Variants in ZFPM2 observed in about 807,000 individuals in gnomAD.
ZFPM2 encodes zinc finger protein ZFPM2.
In ZFPM2, 20 loss-of-function variants were observed where a neutral mutation model predicts 98.6. The observed-to-expected ratio is 0.20, with a 90% CI of 0.14 to 0.29. The LOEUF (loss-of-function observed/expected upper bound fraction) is 0.29, where lower values mean the gene tolerates loss of function less well. Ranked by LOEUF, ZFPM2 falls within the 10% of genes least tolerant of loss-of-function variation. ZFPM2 has a pLI of 1.00. For synonymous variants in ZFPM2, 518 were observed against 502.7 expected (o/e 1.03, Z -0.41); for missense variants, 1,310 against 1,388.6 (o/e 0.94, Z 0.90).
At chr8:105,550,385 G>T (rs906066780) in intron 3 of ZFPM2, among the ~76,000 whole-genome samples, 4 of 152,128 alleles carry the variant, frequency 2.6e-5, no homozygotes, top group African/African-American at 4.8e-5. Context: ...TTTGAAACAA[G>T]CAGTGTGATA....
chr8:105,491,694 C>T (rs1228210325), intron 3 of ZFPM2, among the ~76,000 whole-genome samples: 1 of 152,112 alleles, frequency 6.6e-6, no homozygotes, highest in Non-Finnish European at 1.5e-5. Flanking sequence ...GGAATTGGGC[C>T]ACTTACATCC....
At chr8:105,469,690 AGTGTGTT>A in intron 3 of ZFPM2, among the ~76,000 whole-genome samples, 1 of 152,198 alleles carries the variant, frequency 6.6e-6, no homozygotes, top group Non-Finnish European at 1.5e-5. Flanking sequence ...TAAATGCTAA[AGTGTGTT>A]GTGAGTTTAC....
At chr8:105,786,353 T>C (rs1233476530) in intron 5 of ZFPM2, among the ~76,000 whole-genome samples, 5 of 152,224 alleles carry the variant, frequency 3.3e-5, no homozygotes, top group African/African-American at 1.2e-4. Context: ...GATATTGTAA[T>C]ATATTTGCAT....
chr8:105,664,210 T>G (rs916385896), intron 5 of ZFPM2, among the ~76,000 whole-genome samples: 1 of 152,240 alleles, frequency 6.6e-6, no homozygotes, highest in African/African-American at 2.4e-5. Context: ...TTGGTTGTTT[T>G]GAAAATAGTG....
chr8:105,630,498 A>C (rs1166134319), intron 4 of ZFPM2, among the ~76,000 whole-genome samples: 1 of 152,176 alleles, frequency 6.6e-6, no homozygotes, highest in East Asian at 1.9e-4. Context: ...TATAGCTTTC[A>C]GCAAGTCTTT....
At chr8:105,595,229 C>T (rs1586487235) in intron 4 of ZFPM2, among the ~76,000 whole-genome samples, 1 of 152,076 alleles carries the variant, frequency 6.6e-6, no homozygotes, top group Non-Finnish European at 1.5e-5. Context: ...GGTTCAGGAC[C>T]TAGGTCCAGG....
intron 5 of ZFPM2, among the ~76,000 whole-genome samples, chr8:105,723,700 G>T (rs868207531): frequency 4.6e-5 from 7 of 151,768 alleles, no homozygotes; most frequent in Admixed American, 1.3e-4. Flanking sequence ...TCGGGGGTTA[G>T]CAGCTTTATA....
At chr8:105,549,389 C>T (rs1490592806) in intron 3 of ZFPM2, among the ~76,000 whole-genome samples, 2 of 152,114 alleles carry the variant, frequency 1.3e-5, no homozygotes, top group African/African-American at 4.8e-5. Context: ...AATTTTGCAT[C>T]AGGTCATTTC....
At chr8:105,708,122 A>G (rs1263749564) in intron 5 of ZFPM2, among the ~76,000 whole-genome samples, 1 of 152,176 alleles carries the variant, frequency 6.6e-6, no homozygotes, top group Non-Finnish European at 1.5e-5. Flanking sequence ...CTAATTAGCC[A>G]CAAGTATGAT....
Position 105,576,848 on chromosome 8 carries a change from A to G in ZFPM2, c.420+15367A>G, listed in dbSNP as rs372380557. 2.8e-4 allele frequency among the ~76,000 whole-genome samples: 42 copies of G among 152,238 alleles called. No homozygotes were observed. In the East Asian group the frequency reaches 3.3e-3, roughly 12 times the overall value. ...AAAGAGTAGGGATGGTCCCTTTTGG[A>G]CATGTCACCCTAACTAAATCTCCAG... On this transcript the variant is annotated intron_variant, in intron 4 of 7. Transcript: ENST00000407775.
chr8:105,496,211 A>G (rs928750964), intron 3 of ZFPM2, among the ~76,000 whole-genome samples: 3 of 152,002 alleles, frequency 2.0e-5, no homozygotes, highest in Non-Finnish European at 4.4e-5. Flanking sequence ...AGTTCTCACT[A>G]TGTTGTCCAG....
intron 5 of ZFPM2, among the ~76,000 whole-genome samples, chr8:105,721,573 A>G (rs2130996255): frequency 6.6e-6 from 1 of 152,126 alleles, no homozygotes; most frequent in South Asian, 2.1e-4. Flanking sequence ...AAAGTATAAA[A>G]TACTGCTTTG....
At chr8:105,383,248 T>G (rs536600513) in intron 1 of ZFPM2, among the ~76,000 whole-genome samples, 1 of 152,112 alleles carries the variant, frequency 6.6e-6, no homozygotes, top group Non-Finnish European at 1.5e-5. Context: ...CCCCAGGATA[T>G]TTCACTAAGT....
At position 105,488,226 on chromosome 8, in the gene ZFPM2, G is replaced by A. The variant is rs180959507; in HGVS notation, c.301+43845G>A. On this transcript the variant is annotated intron_variant, in intron 3 of 7. Coordinates refer to ENST00000407775, the MANE Select transcript of ZFPM2 (RefSeq NM_012082.4). ...AATAACATTGGCTTATATACGAAAG[G>A]TTATCTTTCTAAATGTATATGGAGT... Among the ~76,000 whole-genome samples the A allele has an allele frequency of 6.6e-5, 10 of 152,218 alleles. No homozygotes were observed. In the East Asian group the frequency reaches 1.9e-3, roughly 29 times the overall value.
At chr8:105,641,389 G>T (rs774178268) in intron 5 of ZFPM2, among the ~76,000 whole-genome samples, 1 of 151,970 alleles carries the variant, frequency 6.6e-6, no homozygotes, top group African/African-American at 2.4e-5. Context: ...TTCTGGTTAC[G>T]TTCTATTAAT....
At chr8:105,635,581 A>G (rs1816832293) in intron 5 of ZFPM2, among the ~76,000 whole-genome samples, 1 of 152,156 alleles carries the variant, frequency 6.6e-6, no homozygotes, top group African/African-American at 2.4e-5. Context: ...GGGAGCTTTC[A>G]GCTAAAAGGG....
chr8:105,333,824 T>C (rs1473429989), intron 1 of ZFPM2, among the ~76,000 whole-genome samples: 1 of 151,688 alleles, frequency 6.6e-6, no homozygotes, highest in African/African-American at 2.4e-5. Flanking sequence ...TGTACCTATT[T>C]GTAATGTTTT....
chr8:105,718,092 T>G (rs2130990019), intron 5 of ZFPM2, among the ~76,000 whole-genome samples: 1 of 152,018 alleles, frequency 6.6e-6, no homozygotes. Flanking sequence ...TCCAAAAATT[T>G]AGAAGTCTAA....
intron 3 of ZFPM2, among the ~76,000 whole-genome samples, chr8:105,460,087 A>C (rs1563669452): frequency 6.6e-6 from 1 of 152,062 alleles, no homozygotes; most frequent in East Asian, 1.9e-4. Flanking sequence ...CTGAGATGTG[A>C]GTGTTGATTA....
Sources: gnomAD v4.1 joint callset for allele counts (sites outside exome capture counted in the v4.1 genomes callset) on GRCh38, gnomAD v4.1.1 for gene constraint, MANE v1.5 for transcripts, NCBI Gene and HGNC (gene_info 2026-07-23, HGNC 2026-07-21) for gene names.